Variants in SLC44A4 observed in about 807,000 individuals in gnomAD.
SLC44A4 encodes choline transporter-like protein 4.
Under a neutral mutation model 97.0 loss-of-function variants are expected in SLC44A4, and 74 were observed. That is an observed-to-expected ratio of 0.76 (90% CI 0.63 to 0.93). The LOEUF (loss-of-function observed/expected upper bound fraction) is 0.93, where lower values mean the gene tolerates loss of function less well. Among genes scored for constraint, SLC44A4 ranks in the 40% least tolerant of loss-of-function variants. The pLI is 0.00. For synonymous variants in SLC44A4, 325 were observed against 363.8 expected, an observed-to-expected ratio of 0.89 and a Z score of 1.21; for missense variants, 799 against 902.9, an observed-to-expected ratio of 0.88 and a Z score of 1.48.
At position 31,866,052 on chromosome 6, in the gene SLC44A4, T is replaced by A; in HGVS notation, c.1308A>T (p.Gln436His). Residue 436 changes from glutamine to histidine, a missense_variant, in exon 14 of 21, where the codon CAA (glutamine) becomes CAT (histidine). Transcript: ENST00000229729. ...AGATTTGCAGATTGAAGACAGAACGTTGGATTAGGCCTTTGGATGAGTAGC... is the reference window on the plus strand; with the variant it reads ...AGATTTGCAGATTGAAGACAGAACGATGGATTAGGCCTTTGGATGAGTAGC... ...FQGYSSKGLI[Q>H]RSVFNLQIYG... The A allele has an allele frequency of 6.2e-7, 1 of 1,614,110 alleles. No individual in the cohort carries two copies. The highest frequency in any genetic ancestry group is 1.1e-5 in the South Asian group (1 of 91,082).
At position 31,870,833 on chromosome 6, in the gene SLC44A4, G is replaced by A. The variant is rs1227793804; in HGVS notation, c.916C>T (p.Gln306Ter). 1 of 1,613,068 alleles carries A rather than the reference G, an allele frequency of 6.2e-7. No homozygotes were observed. The highest frequency in any genetic ancestry group is 1.6e-4 in the Middle Eastern group (1 of 6,062). Residue 306 changes from glutamine (Q) to a stop codon, truncating the protein, a stop_gained, in exon 10 of 21, where the codon CAG (glutamine) becomes TAG (stop). Transcript: ENST00000229729. LOFTEE classifies it high-confidence loss of function. Reference protein sequence around the residue: ...TTNLSAYQSVQETWLAALIVL... With the variant: ...TTNLSAYQSV The stretch of plus-strand genomic sequence containing the variant: ...TCACGGGCGGCCAGCCAGGTCTCCT[G>A]CACGCTCTGGTAGGCACTGAGGTTG...
chr6:31,868,244 G>T (rs1159434551), intron 13 of SLC44A4, among the ~76,000 whole-genome samples: 1 of 152,178 alleles, frequency 6.6e-6, no homozygotes, highest in African/African-American at 2.4e-5. Flanking sequence ...CACTCCCGGG[G>T]AACCTCACAG....
In SLC44A4 at chr6:31,878,717, G is replaced by C. The variant is rs1763594770; in HGVS notation, c.40+224C>G. Among the ~76,000 whole-genome samples the C allele has an allele frequency of 6.6e-6, 1 of 151,802 alleles. No homozygotes were observed. Among genetic ancestry groups the C allele is most frequent in the South Asian group, 2.1e-4 (1 of 4,822 alleles). Reference sequence around the variant, plus strand: ...AGCCCCAACTCTTCAGAGGCACCCAGCTTCACTCCCCATGGGCTCCCCAGC... The same window carrying C: ...AGCCCCAACTCTTCAGAGGCACCCACCTTCACTCCCCATGGGCTCCCCAGC... On this transcript the variant is annotated intron_variant, in intron 1 of 20. Coordinates refer to ENST00000229729, the MANE Select transcript of SLC44A4 (RefSeq NM_025257.3). The surrounding 1 kb of genome is among the most constrained non-coding windows in gnomAD (Gnocchi z 4.0).
Position 31,869,164 on chromosome 6 carries a change from G to T in SLC44A4, c.1224C>A (p.Cys408Ter), listed in dbSNP as rs752152514. ...CCCTGCTTCCTCTTACCGTGGGGTTGCATGATGTATTTATTGGCACTTTCT... is the reference window on the plus strand; with the variant it reads ...CCCTGCTTCCTCTTACCGTGGGGTTTCATGATGTATTTATTGGCACTTTCT... ...GCEKVPINTS[C>*]NPTAHLVNSS... is the part of the protein sequence containing the mutation. The change falls in exon 13 of 21, where the codon TGC becomes TGA. Residue 408 changes from cysteine (C) to a stop codon, truncating the protein, a stop_gained. Transcript: ENST00000229729. LOFTEE classifies it high-confidence loss of function. 6.2e-7 allele frequency: 1 copy of T among 1,607,612 alleles called. No individual in the cohort carries two copies. The highest frequency in any genetic ancestry group is 1.3e-5 in the African/African-American group (1 of 74,930).
chr6:31,868,096 C>A (rs1762958109), intron 13 of SLC44A4, among the ~76,000 whole-genome samples: 1 of 152,206 alleles, frequency 6.6e-6, no homozygotes, highest in Non-Finnish European at 1.5e-5. Context: ...GGATTACAGG[C>A]ATGAGCCACC....
intron 9 of SLC44A4, 128 bp downstream of exon 9, chr6:31,871,186 G>T (rs1763155294): frequency 2.3e-6 from 3 of 1,284,280 alleles, no homozygotes; most frequent in Non-Finnish European, 3.4e-6. Flanking sequence ...TGTTGGTCTT[G>T]GAATCCATTC....
intron 12 of SLC44A4, 75 bp downstream of exon 12, chr6:31,869,470 A>G (rs1763030534): frequency 4.6e-6 from 6 of 1,307,792 alleles, no homozygotes; most frequent in Middle Eastern, 4.0e-4. Context: ...AAGGCACTCT[A>G]CAGGGCAAGT....
intron 20 of SLC44A4, chr6:31,864,379 A>C: frequency 1.8e-6 from 1 of 557,642 alleles, no homozygotes; most frequent in South Asian, 2.2e-5. Context: ...CCTGGCCTCT[A>C]ATGGCTAACT....
Position 31,869,585 on chromosome 6 carries a change from GGACAAAGGT to G in SLC44A4, c.1081_1089del (p.Thr361_Val363del). 6.2e-7 allele frequency: 1 copy of G among 1,607,364 alleles called. No homozygotes were observed. The highest frequency in any genetic ancestry group is 8.5e-7 in the Non-Finnish European group (1 of 1,177,548). On this transcript the variant is annotated inframe_deletion, in exon 12 of 21. Coordinates refer to ENST00000229729, the MANE Select transcript of SLC44A4 (RefSeq NM_025257.3). ...CAGTAGGCAATGCAGATGAGGAGGA[GGACAAAGGT>G]GACCAGTGGGTAGAACATGGTAGAC...
Position 31,864,634 on chromosome 6 carries a change from G to C in SLC44A4, c.2011+18C>G. 1 of 1,611,432 alleles carries C rather than the reference G, an allele frequency of 6.2e-7. No individual in the cohort carries two copies. Among genetic ancestry groups the C allele is most frequent in the South Asian group, 1.1e-5 (1 of 91,040 alleles). On this transcript the variant is annotated intron_variant, in intron 20 of 20. Coordinates refer to ENST00000229729, the MANE Select transcript of SLC44A4 (RefSeq NM_025257.3). The stretch of plus-strand genomic sequence containing the variant: ...AGTACTTTAAGGTTGGGGACAGGTG[G>C]CTGGGGGTGTCACTCACGGAAGCAG...
rs1291748688 is a variant in SLC44A4, at chr6:31,877,636, C to T, written c.41-554G>A. The T allele has an allele frequency of 4.1e-6, 4 of 986,816 alleles. No individual in the cohort carries two copies. The highest frequency in any genetic ancestry group is 4.7e-5 in the South Asian group (1 of 21,390). 61.1% of individuals were successfully genotyped at this position (986,816 alleles called of 1,614,324 possible). On this transcript the variant is annotated intron_variant, in intron 1 of 20. Transcript: ENST00000229729. This position sits in a 1 kb window ranked among gnomAD's most constrained non-coding sequence, Gnocchi z 6.5. ...CCCCAGCAGGGCCTGGGGAGGGAAG[C>T]GGCCCTGTACATCCTCACTCTGGTG...
chr6:31,870,839 T>C lies in SLC44A4; in HGVS notation c.910A>G (p.Ser304Gly). 6.2e-7 allele frequency: 1 copy of C among 1,613,040 alleles called. No homozygotes were observed. The highest frequency in any genetic ancestry group is 8.5e-7 in the Non-Finnish European group (1 of 1,180,010). The change falls in exon 10 of 21, where the codon AGC (serine) becomes GGC (glycine). Residue 304 changes from serine (S) to glycine (G), a missense_variant. Ser to Gly is a moderately conservative substitution (Grantham distance 56). Coordinates refer to ENST00000229729, the MANE Select transcript of SLC44A4 (RefSeq NM_025257.3). Reference sequence around the variant, plus strand: ...GCGGCCAGCCAGGTCTCCTGCACGCTCTGGTAGGCACTGAGGTTGGTGGTG... The same window carrying C: ...GCGGCCAGCCAGGTCTCCTGCACGCCCTGGTAGGCACTGAGGTTGGTGGTG... Reference protein sequence around the residue: ...GFTTNLSAYQSVQETWLAALI... With the variant: ...GFTTNLSAYQGVQETWLAALI...
chr6:31,874,492 A>T lies in SLC44A4; in HGVS notation c.497T>A (p.Leu166His). The change falls in exon 7 of 21, where the codon CTC becomes CAC. Residue 166 changes from leucine (L) to histidine (H), a missense_variant. Around this residue, in one of 3 missense-constraint regions of SLC44A4, gnomAD observed 409 missense variants for 434.1 expected, o/e 0.94. Coordinates refer to ENST00000229729, the MANE Select transcript of SLC44A4 (RefSeq NM_025257.3). The surrounding 1 kb of genome is among the most constrained non-coding windows in gnomAD (Gnocchi z 4.8). ...MTVITSLQQE[L>H]CPSFLLPSAP... ...AGAGGGGAGGAGGAAACTGGGGCAG[A>T]GTTCCTGTTGCAGGCTTGTGATCAC... is the stretch of plus-strand genomic sequence containing the variant. 6.2e-7 allele frequency: 1 copy of T among 1,613,082 alleles called. No individual in the cohort carries two copies. Among genetic ancestry groups the T allele is most frequent in the Non-Finnish European group, 8.5e-7 (1 of 1,180,026 alleles).
At position 31,874,667 on chromosome 6, in the gene SLC44A4, G is replaced by A. The variant is rs759313097; in HGVS notation, c.468+54C>T. On this transcript the variant is annotated intron_variant, in intron 6 of 20. Transcript: ENST00000229729. The surrounding 1 kb of genome is among the most constrained non-coding windows in gnomAD (Gnocchi z 4.8). ...ATCTACCCAACTCCCCCTCCCTCTC[G>A]TGCCCACCCTGGCCCTTCTGGGCGA... The A allele has an allele frequency of 5.1e-6, 8 of 1,569,218 alleles. No individual in the cohort carries two copies. The highest frequency in any genetic ancestry group is 3.6e-5 in the South Asian group (3 of 82,626).
rs200029752 is a variant in SLC44A4 at position 31,870,947 on chromosome 6, C to A, written c.802G>T (p.Val268Leu). ...CAGTAGTAGATGCCGTATGCCAGCA[C>A]GCCCAGCACTCCCAGGATCAGCACC... ...VLVLILGVLG[V>L]LAYGIYYCWE... The change falls in exon 10 of 21, where the codon GTG becomes TTG. Residue 268 changes from valine to leucine, a missense_variant. Coordinates refer to ENST00000229729, the MANE Select transcript of SLC44A4 (RefSeq NM_025257.3). The A allele has an allele frequency of 6.2e-7, 1 of 1,613,004 alleles. No homozygotes were observed. The highest frequency in any genetic ancestry group is 2.2e-5 in the East Asian group (1 of 44,882).
At chr6:31,873,329 C>T (rs183176775) in intron 7 of SLC44A4, among the ~76,000 whole-genome samples, 1 of 152,186 alleles carries the variant, frequency 6.6e-6, no homozygotes, top group Non-Finnish European at 1.5e-5. Context: ...ATAAGAGGTG[C>T]ATGCCACCAC....
rs948800558 is a variant in SLC44A4, at chr6:31,863,400, AT to A, written c.*226del. On this transcript the variant is annotated 3_prime_UTR_variant, in exon 21 of 21. Transcript: ENST00000229729. ...GCCACCACTCTCGGCTAATTTTTGT[AT>A]TTTTAATAGAGACGGAGGTTTCACC... 1.5e-5 allele frequency: 7 copies of A among 467,444 alleles called. No individual in the cohort carries two copies. In the Admixed American group the frequency reaches 3.2e-4, roughly 21 times the overall value. The allele number at this position is 467,444 out of a possible 1,614,324, so 29.0% of individuals were successfully genotyped here. A position where few individuals can be genotyped will look rare whatever the true frequency, so the allele number is the denominator to read the frequency against.
intron 4 of SLC44A4, 52 bp from the exon 5 acceptor site, chr6:31,875,080 A>C: frequency 7.1e-7 from 1 of 1,417,138 alleles, no homozygotes; most frequent in Non-Finnish European, 9.9e-7. Flanking sequence ...GTGTTGGGGG[A>C]GGGGAGGGAC....
At chr6:31,875,825 C>A in intron 4 of SLC44A4, 27 bp downstream of exon 4, 1 of 1,583,122 alleles carries the variant, frequency 6.3e-7, no homozygotes. Context: ...CTCGCTCCTG[C>A]ACTCCTCTTC....
Sources: gnomAD v4.1 joint callset for allele counts (sites outside exome capture counted in the v4.1 genomes callset) on GRCh38, gnomAD v4.1.1 for gene constraint, gnomAD v4.1.1 regional missense constraint, Gnocchi (gnomAD v3.1) non-coding constraint, MANE v1.5 for transcripts, NCBI Gene and HGNC (gene_info 2026-07-23, HGNC 2026-07-21) for gene names.